The following SLC24A2 variants were observed in gnomAD, a reference collection of about 807,000 sequenced individuals.
SLC24A2 encodes the protein solute carrier family 24 member 2.
Under a neutral mutation model 62.0 loss-of-function variants are expected in SLC24A2, and 36 were observed. That is an observed-to-expected ratio of 0.58 (90% CI 0.44 to 0.77). The LOEUF (loss-of-function observed/expected upper bound fraction) is 0.77. Ranked by LOEUF, SLC24A2 falls within the 30% of genes least tolerant of loss-of-function variation. SLC24A2 has a pLI of 0.00. For synonymous variants in SLC24A2, 358 were observed against 294.0 expected, an observed-to-expected ratio of 1.22 and a Z score of -2.23; for missense variants, 846 against 817.9, an observed-to-expected ratio of 1.03 and a Z score of -0.42.
At chr9:20,230,669 C>G in the SLC24A2 span, among the ~76,000 whole-genome samples, 1,287 of 152,220 alleles carry the variant, frequency 8.5e-3, 8 homozygotes, top group Non-Finnish European at 0.014. Flanking sequence ...AAAATTTTCT[C>G]TCATTCTGTA....
At chr9:19,648,298 A>G (rs536492086) in intron 2 of SLC24A2, among the ~76,000 whole-genome samples, 2 of 152,340 alleles carry the variant, frequency 1.3e-5, no homozygotes, top group South Asian at 2.1e-4. Context: ...CTGCCAAATA[A>G]GAATAATACA....
chr9:20,123,633 C>T, the SLC24A2 span, among the ~76,000 whole-genome samples: 2 of 152,066 alleles, frequency 1.3e-5, no homozygotes, highest in Admixed American at 6.5e-5. Flanking sequence ...ATAACGTCTG[C>T]CTCATAGGAT....
chr9:20,275,970 G>A, the SLC24A2 span, among the ~76,000 whole-genome samples: 2 of 152,068 alleles, frequency 1.3e-5, no homozygotes, highest in African/African-American at 4.8e-5. Context: ...CTCCTACCGG[G>A]TCCCTCCCAT....
the SLC24A2 span, among the ~76,000 whole-genome samples, chr9:20,307,331 C>G: frequency 6.6e-6 from 1 of 152,158 alleles, no homozygotes; most frequent in African/African-American, 2.4e-5. Flanking sequence ...ATAAATTAAT[C>G]AGAAGCTGAA....
the SLC24A2 span, among the ~76,000 whole-genome samples, chr9:19,798,598 C>CCACACACA: frequency 0.019 from 2,767 of 146,534 alleles, 29 homozygotes; most frequent in Non-Finnish European, 0.022. Context: ...ATCCTTTATA[C>CCACACACA]CACACACACA....
chr9:19,645,515 CA>C (rs760541689), intron 2 of SLC24A2, among the ~76,000 whole-genome samples: 30 of 150,952 alleles, frequency 2.0e-4, no homozygotes, highest in Admixed American at 1.4e-3. Context: ...AACATTGTGG[CA>C]AAAAAAATGT....
the SLC24A2 span, among the ~76,000 whole-genome samples, chr9:20,019,295 G>GA: frequency 6.7e-6 from 1 of 150,094 alleles, no homozygotes; most frequent in African/African-American, 2.5e-5. Context: ...AAGAAAGAAA[G>GA]AAAGAAAGAA....
At chr9:19,890,331 G>C in the SLC24A2 span, among the ~76,000 whole-genome samples, 402 of 152,278 alleles carry the variant, frequency 2.6e-3, 5 homozygotes, top group East Asian at 0.019. Context: ...AATTGCACAA[G>C]GGCATGAATA....
chr9:20,176,752 T>C, the SLC24A2 span, among the ~76,000 whole-genome samples: 1 of 152,148 alleles, frequency 6.6e-6, no homozygotes. Flanking sequence ...TTTCCCTTGC[T>C]AGTTTGAGAA....
intron 2 of SLC24A2, among the ~76,000 whole-genome samples, chr9:19,666,460 A>G (rs886187755): frequency 2.6e-5 from 4 of 152,226 alleles, no homozygotes; most frequent in Non-Finnish European, 4.4e-5. Flanking sequence ...TATTTCCTCA[A>G]TTGAATGTGG....
the SLC24A2 span, among the ~76,000 whole-genome samples, chr9:19,858,893 G>A: frequency 6.6e-6 from 1 of 152,156 alleles, no homozygotes; most frequent in Non-Finnish European, 1.5e-5. Flanking sequence ...CTTATGCACT[G>A]CTGGTAGGAA....
the SLC24A2 span, among the ~76,000 whole-genome samples, chr9:20,057,395 C>T: frequency 6.6e-6 from 1 of 152,204 alleles, no homozygotes; most frequent in African/African-American, 2.4e-5. Context: ...TCTTCAACTC[C>T]TTTCTCCTGT....
At chr9:20,064,720 A>T in the SLC24A2 span, among the ~76,000 whole-genome samples, 2 of 152,190 alleles carry the variant, frequency 1.3e-5, no homozygotes, top group Non-Finnish European at 2.9e-5. Flanking sequence ...TTCTTGGCCA[A>T]CTGACATCTC....
the SLC24A2 span, among the ~76,000 whole-genome samples, chr9:19,799,672 G>A: frequency 6.6e-6 from 1 of 152,210 alleles, no homozygotes; most frequent in African/African-American, 2.4e-5. Context: ...ACATCTAGAT[G>A]AGCTCACAGC....
In SLC24A2 at chr9:19,743,551, G is replaced by A. The variant is rs546178009; in HGVS notation, c.930+42386C>T. ...GGGCAGAGGAGTGTAGCCCAGAGCA[G>A]TTACTGCGCAGTACAATTTATTTGA... is the stretch of plus-strand genomic sequence containing the variant. On this transcript the variant is annotated intron_variant, in intron 2 of 10. Coordinates refer to ENST00000341998, the MANE Select transcript of SLC24A2 (RefSeq NM_020344.4). Among the ~76,000 whole-genome samples, 14 of 152,288 alleles carry A rather than the reference G, an allele frequency of 9.2e-5. No homozygotes were observed. In the South Asian group the frequency reaches 2.1e-3, roughly 23 times the overall value.
the SLC24A2 span, chr9:19,895,897 G>A: frequency 1.9e-6 from 3 of 1,613,464 alleles, no homozygotes; most frequent in Admixed American, 3.3e-5. Context: ...GATGCGCCGG[G>A]CAGGGTCAAA....
the SLC24A2 span, among the ~76,000 whole-genome samples, chr9:19,891,549 G>A: frequency 2.6e-5 from 4 of 152,118 alleles, no homozygotes; most frequent in Non-Finnish European, 5.9e-5. Flanking sequence ...GTGAGAGAGG[G>A]AGGAAGAGGA....
the SLC24A2 span, among the ~76,000 whole-genome samples, chr9:20,218,714 A>C: frequency 6.6e-6 from 1 of 152,170 alleles, no homozygotes; most frequent in Non-Finnish European, 1.5e-5. Context: ...CATATCTTTT[A>C]ATGCCTAGTT....
the SLC24A2 span, among the ~76,000 whole-genome samples, chr9:19,964,008 G>A: frequency 6.6e-6 from 1 of 151,886 alleles, no homozygotes; most frequent in East Asian, 1.9e-4. Flanking sequence ...AGAAAATGTG[G>A]CACATATACA....
Sources: allele counts gnomAD v4.1 joint callset (sites outside exome capture counted in the v4.1 genomes callset), GRCh38; gene constraint gnomAD v4.1.1; transcripts MANE v1.5; gene names NCBI Gene and HGNC (gene_info 2026-07-23, HGNC 2026-07-21).